Variants in DGKB observed in about 807,000 individuals in gnomAD.
The protein encoded by DGKB is 90 kDa diacylglycerol kinase.
DGKB carries 67 observed loss-of-function variants against 114.3 expected under a neutral mutation model. That is an observed-to-expected ratio of 0.59 (90% CI 0.48 to 0.72). DGKB has a LOEUF of 0.72. Ranked by LOEUF, DGKB falls within the 30% of genes least tolerant of loss-of-function variation. The pLI is 0.00. For missense variants in DGKB, 907 were observed against 975.2 expected, an observed-to-expected ratio of 0.93 and a Z score of 0.93; for synonymous variants, 398 against 323.1, an observed-to-expected ratio of 1.23 and a Z score of -2.49.
At chr7:14,404,769 T>G (rs6461098) in intron 21 of DGKB, among the ~76,000 whole-genome samples, 1 of 151,692 alleles carries the variant, frequency 6.6e-6, no homozygotes, top group Non-Finnish European at 1.5e-5. Flanking sequence ...TTCACCACTG[T>G]GTCTTCTTGA....
rs967806181 is a variant in DGKB, at chr7:14,857,241, C to A, written c.-187-15791G>T. 7.8e-4 allele frequency among the ~76,000 whole-genome samples: 39 copies of A among 49,936 alleles called. No homozygotes were observed. In the East Asian group the frequency reaches 0.01, roughly 13 times the overall value. 32.8% of individuals were successfully genotyped at this position (49,936 alleles called of 152,430 possible). A position where few individuals can be genotyped will look rare whatever the true frequency, so the allele number is the denominator to read the frequency against. On this transcript the variant is annotated intron_variant, in intron 1 of 25. Transcript: ENST00000402815. ...CTCTCTCTCTCTCTCTTCCACCCAA[C>A]CCCCTGCTGTGTGTGTTTGTGTGTG... is the stretch of plus-strand genomic sequence containing the variant.
chr7:14,516,522 G>C (rs1003296031), intron 20 of DGKB, among the ~76,000 whole-genome samples: 14 of 152,160 alleles, frequency 9.2e-5, no homozygotes, highest in Non-Finnish European at 1.5e-4. Flanking sequence ...GCACACTGAA[G>C]AAGAGCCCAT....
chr7:14,360,947 A>G (rs1815613904), intron 21 of DGKB, among the ~76,000 whole-genome samples: 1 of 152,066 alleles, frequency 6.6e-6, no homozygotes, highest in African/African-American at 2.4e-5. Context: ...GTTTTTCCTA[A>G]CCAATTTTTA....
Position 14,661,203 on chromosome 7 carries a change from T to C in DGKB, c.1134+11726A>G, listed in dbSNP as rs1197713000. Among the ~76,000 whole-genome samples, 15 of 150,322 alleles carry C rather than the reference T, an allele frequency of 1.0e-4. 1 individual carries two copies. In the East Asian group the frequency reaches 2.8e-3, roughly 28 times the overall value. On this transcript the variant is annotated intron_variant, in intron 13 of 25. Coordinates refer to ENST00000402815, the MANE Select transcript of DGKB (RefSeq NM_001350709.2). ...GGCAACAAAAGCCAAAATTGACAAA[T>C]GGGATCTAATTAAACTAAAGAGCTT...
rs1331976631 is a variant in DGKB at position 14,146,250 on chromosome 7, TC to T, written c.*2880del. The stretch of plus-strand genomic sequence containing the variant: ...TTCTATGTAGATACCTCCCTTCCTA[TC>T]TCTTAGAAGCGTGGATATCAAGGTT... On this transcript the variant is annotated 3_prime_UTR_variant, in exon 26 of 26. Coordinates refer to ENST00000402815, the MANE Select transcript of DGKB (RefSeq NM_001350709.2). 3 of 152,186 alleles carry T rather than the reference TC, an allele frequency of 2.0e-5. No individual in the cohort carries two copies. Among genetic ancestry groups the T allele is most frequent in the African/African-American group, 7.2e-5 (3 of 41,452 alleles). The allele number at this position is 152,186 out of a possible 1,614,324, so 9.4% of individuals were successfully genotyped here.
intron 21 of DGKB, among the ~76,000 whole-genome samples, chr7:14,425,204 A>C (rs1827319169): frequency 2.0e-5 from 3 of 152,122 alleles, no homozygotes. Flanking sequence ...TTCAATGTCC[A>C]TGCTTGATCA....
At chr7:14,433,133 T>C (rs1828714279) in intron 21 of DGKB, among the ~76,000 whole-genome samples, 1 of 152,158 alleles carries the variant, frequency 6.6e-6, no homozygotes, top group East Asian at 1.9e-4. Flanking sequence ...ACACTCTCCC[T>C]GGGAGCACGT....
At chr7:14,835,596 G>C (rs1350100611) in intron 2 of DGKB, among the ~76,000 whole-genome samples, 1 of 152,082 alleles carries the variant, frequency 6.6e-6, no homozygotes, top group Non-Finnish European at 1.5e-5. Flanking sequence ...AGAAGTAAAA[G>C]CTAATCTCAG....
chr7:14,332,993 T>A (rs1422665338), intron 23 of DGKB, among the ~76,000 whole-genome samples: 1 of 152,334 alleles, frequency 6.6e-6, no homozygotes, highest in Admixed American at 6.5e-5. Context: ...TGAAACTCCA[T>A]AATTTGAATA....
chr7:14,662,545 T>C (rs1817335077), intron 13 of DGKB, among the ~76,000 whole-genome samples: 1 of 151,948 alleles, frequency 6.6e-6, no homozygotes, highest in South Asian at 2.1e-4. Flanking sequence ...ACTATCATGT[T>C]ACTTATAATA....
At chr7:14,729,284 G>C (rs554576796) in intron 5 of DGKB, among the ~76,000 whole-genome samples, 2 of 134,300 alleles carry the variant, frequency 1.5e-5, no homozygotes, top group Non-Finnish European at 1.7e-5. Flanking sequence ...CACCACATCC[G>C]GCTAATTTTT....
intron 6 of DGKB, among the ~76,000 whole-genome samples, chr7:14,714,690 G>T (rs7784799): frequency 0.37 from 56,614 of 151,906 alleles, 12,263 homozygotes; most frequent in Middle Eastern, 0.53. Flanking sequence ...AGCACTGAAG[G>T]CCAGCTGAGG....
intron 1 of DGKB, among the ~76,000 whole-genome samples, chr7:14,917,448 A>C (rs557047074): frequency 1.3e-4 from 20 of 152,120 alleles, no homozygotes; most frequent in African/African-American, 4.8e-4. Context: ...AGAGGTCATC[A>C]CTGATCCCAT....
At chr7:14,362,345 G>A (rs887301319) in intron 21 of DGKB, among the ~76,000 whole-genome samples, 1 of 151,950 alleles carries the variant, frequency 6.6e-6, no homozygotes, top group African/African-American at 2.4e-5. Context: ...AATCATTTGA[G>A]ACAGATGAGA....
chr7:14,953,283 ATAAAG>A, intron 1 of DGKB, among the ~76,000 whole-genome samples: 1 of 152,280 alleles, frequency 6.6e-6, no homozygotes, highest in East Asian at 1.9e-4. Context: ...TACTGAATGG[ATAAAG>A]TATTTGTAAA....
chr7:14,510,654 T>C (rs1418354826), intron 20 of DGKB, among the ~76,000 whole-genome samples: 1 of 152,210 alleles, frequency 6.6e-6, no homozygotes, highest in African/African-American at 2.4e-5. Context: ...ATGTCCTTAA[T>C]AGCATCTAGA....
intron 23 of DGKB, among the ~76,000 whole-genome samples, chr7:14,229,165 T>A (rs1245146998): frequency 2.6e-5 from 4 of 152,040 alleles, no homozygotes; most frequent in Admixed American, 2.6e-4. Context: ...AGTTTTCCAA[T>A]TTTAAACATT....
chr7:14,580,316 G>A (rs1017359542), intron 19 of DGKB, among the ~76,000 whole-genome samples: 1 of 152,138 alleles, frequency 6.6e-6, no homozygotes, highest in Non-Finnish European at 1.5e-5. Flanking sequence ...TTACTTGTTA[G>A]TGTAAGGTCT....
intron 23 of DGKB, among the ~76,000 whole-genome samples, chr7:14,202,270 G>A (rs538113185): frequency 2.0e-5 from 3 of 152,034 alleles, no homozygotes; most frequent in African/African-American, 7.2e-5. Context: ...ACAGATGGAG[G>A]AAAGAAGTCA....
Sources: gnomAD v4.1 joint callset for allele counts (sites outside exome capture counted in the v4.1 genomes callset) on GRCh38, gnomAD v4.1.1 for gene constraint, MANE v1.5 for transcripts, NCBI Gene and HGNC (gene_info 2026-07-23, HGNC 2026-07-21) for gene names.